Variants in ODAD1 observed in about 807,000 individuals in gnomAD.
ODAD1 encodes the protein outer dynein arm docking complex subunit 1.
A neutral mutation model predicts 67.2 loss-of-function variants in ODAD1; 49 were observed. The ratio of observed to expected loss-of-function variants is 0.73; its 90% CI spans 0.58 to 0.92. The LOEUF is 0.92. Among genes scored for constraint, ODAD1 ranks in the 40% least tolerant of loss-of-function variants. The pLI is 0.00. For missense variants in ODAD1, 897 were observed against 953.7 expected (o/e 0.94, Z 0.78); for synonymous variants, 345 against 393.7 (o/e 0.88, Z 1.46).
intron 15 of ODAD1, 26 bp from the exon 16 acceptor site, chr19:48,297,544 G>T: frequency 6.3e-7 from 1 of 1,596,582 alleles, no homozygotes; most frequent in Non-Finnish European, 8.5e-7. Context: ...ACTGGGCCCC[G>T]ACACACACTG....
At position 48,297,630 on chromosome 19, in the gene ODAD1, G is replaced by A. The variant is rs1183508978; in HGVS notation, c.1541C>T (p.Pro514Leu). The change falls in exon 15 of 16, where the codon CCC (proline) becomes CTC (leucine). Residue 514 changes from proline to leucine, a missense_variant. Transcript: ENST00000674294. ...PPGFEASDDYPMSREELLSQV... is the reference protein window; with the variant it reads ...PPGFEASDDYLMSREELLSQV... ...GCTCAGCAGCTCCTCCCTGCTCATG[G>A]GGTAGTCATCGCTGGCCTCAAAACC... 6.5e-7 allele frequency: 1 copy of A among 1,527,036 alleles called. No homozygotes were observed. Among genetic ancestry groups the A allele is most frequent in the African/African-American group, 1.4e-5 (1 of 71,834 alleles). The allele number at this position is 1,527,036 out of a possible 1,614,324, so 94.6% of individuals were successfully genotyped here.
chr19:48,321,273 C>A (rs750858090), intron 1 of ODAD1, among the ~76,000 whole-genome samples: 6 of 152,148 alleles, frequency 3.9e-5, no homozygotes, highest in Non-Finnish European at 8.8e-5. Context: ...AACTGATGGG[C>A]GGCGAGGTCC....
At chr19:48,313,899 A>T (rs936387337) in intron 5 of ODAD1, among the ~76,000 whole-genome samples, 1 of 111,444 alleles carries the variant, frequency 9.0e-6, no homozygotes, top group East Asian at 1.9e-4. Flanking sequence ...AAACAAAACA[A>T]AAAAGGAAAT....
intron 5 of ODAD1, among the ~76,000 whole-genome samples, chr19:48,315,959 G>C (rs1024070239): frequency 1.3e-5 from 2 of 152,194 alleles, no homozygotes; most frequent in Non-Finnish European, 2.9e-5. Flanking sequence ...TACAAATCAA[G>C]TTGGGTTGTT....
At chr19:48,320,597 C>T (rs1969008054) in intron 2 of ODAD1, among the ~76,000 whole-genome samples, 175 bp downstream of exon 2, 1 of 152,220 alleles carries the variant, frequency 6.6e-6, no homozygotes, top group Admixed American at 6.5e-5. Flanking sequence ...CACTCTGGGT[C>T]TTGCGTCTAG....
intron 5 of ODAD1, among the ~76,000 whole-genome samples, chr19:48,312,360 A>T (rs534486476): frequency 6.9e-6 from 1 of 144,936 alleles, no homozygotes; most frequent in East Asian, 2.2e-4. Context: ...TGGCCTAGAG[A>T]TGGGAATGTG....
rs1969032669 is a variant in ODAD1, at chr19:48,321,667, C to G, written c.-64+11G>C. On this transcript the variant is annotated intron_variant, in intron 1 of 15. Transcript: ENST00000674294. ...GTCCTGGGGAGGTCGAGGCTGAGGT[C>G]TCACTAGTACCGCGGGCCTGGAAGC... 2 of 389,632 alleles carry G rather than the reference C, an allele frequency of 5.1e-6. No homozygotes were observed. Among genetic ancestry groups the G allele is most frequent in the Non-Finnish European group, 9.1e-6 (2 of 220,444 alleles). 24.1% of individuals were successfully genotyped at this position (389,632 alleles called of 1,614,324 possible). A position where few individuals can be genotyped will look rare whatever the true frequency, so the allele number is the denominator to read the frequency against.
chr19:48,318,807 A>G lies in ODAD1; in HGVS notation c.76T>C (p.Trp26Arg). The change falls in exon 4 of 16, where the codon TGG (tryptophan) becomes CGG (arginine). Residue 26 changes from tryptophan to arginine, a missense_variant. Coordinates refer to ENST00000674294, the MANE Select transcript of ODAD1 (RefSeq NM_001364171.2). ...TGTCGCTGCAGCCTACTCAGCTCCC[A>G]ATCCACTGAGAACAGGGCCAGCCAA... ...SEAFLEGMVD[W>R]ELSRLQRQCK... 1.3e-6 allele frequency: 2 copies of G among 1,548,262 alleles called. No homozygotes were observed. Among genetic ancestry groups the G allele is most frequent in the East Asian group, 2.4e-5 (1 of 40,882 alleles).
rs776727679 is a variant in ODAD1 at position 48,303,699 on chromosome 19, C to T, written c.939G>A (p.Gln313=). Residue 313 remains glutamine, a synonymous_variant, in exon 10 of 16, where the codon CAG becomes CAA. Transcript: ENST00000674294. ...CYEDALNKLS[Q]LMGESDPDLL... ...GGTCAGGGTCACTCTCCCCCATCAGCTGGGACAGTTTATTCAGGGCGTCCT... is the reference window on the plus strand; with the variant it reads ...GGTCAGGGTCACTCTCCCCCATCAGTTGGGACAGTTTATTCAGGGCGTCCT... 1 of 1,614,126 alleles carries T rather than the reference C, an allele frequency of 6.2e-7. No homozygotes were observed. The highest frequency in any genetic ancestry group is 8.5e-7 in the Non-Finnish European group (1 of 1,179,982).
At position 48,311,777 on chromosome 19, in the gene ODAD1, T is replaced by A. The variant is rs1388259695; in HGVS notation, c.484-111A>T. On this transcript the variant is annotated intron_variant, in intron 6 of 15. Transcript: ENST00000674294. ...TCAGAGGTTGGGCCGGCCTGTTTCC[T>A]GAGAAACAGAGGTTCTTTGGGGTTC... 8.5e-6 allele frequency: 7 copies of A among 820,558 alleles called. No homozygotes were observed. In the Admixed American group the frequency reaches 1.3e-4, roughly 15 times the overall value. The allele number at this position is 820,558 out of a possible 1,614,324, so 50.8% of individuals were successfully genotyped here.
intron 5 of ODAD1, among the ~76,000 whole-genome samples, chr19:48,313,816 G>A (rs568303862): frequency 1.1e-4 from 16 of 152,266 alleles, no homozygotes; most frequent in East Asian, 5.8e-4. Flanking sequence ...CAAGGAGCTC[G>A]AAGCTGCAGT....
At chr19:48,304,951 G>A (rs920196590) in intron 8 of ODAD1, among the ~76,000 whole-genome samples, 8 of 152,192 alleles carry the variant, frequency 5.3e-5, no homozygotes, top group African/African-American at 1.7e-4. Context: ...GCGGTTGCAC[G>A]GCCCCGTGAA....
chr19:48,297,537 G>C lies in ODAD1; in HGVS notation c.1582-19C>G. 6.3e-7 allele frequency: 1 copy of C among 1,598,366 alleles called. No individual in the cohort carries two copies. On this transcript the variant is annotated intron_variant, in intron 15 of 15. Transcript: ENST00000674294. ...GCTCCACCTGCAGGGAAGGTGAACT[G>C]GGCCCCGACACACACTGAGGCCTGG... is the stretch of plus-strand genomic sequence containing the variant.
chr19:48,319,471 G>T (rs1429950313), intron 3 of ODAD1: 7 of 983,264 alleles, frequency 7.1e-6, no homozygotes, highest in African/African-American at 1.8e-5. Flanking sequence ...ATCTCCAAAG[G>T]CCCAGTAGTT....
At chr19:48,310,006 G>A (rs369756515) in intron 7 of ODAD1, among the ~76,000 whole-genome samples, 4 of 151,964 alleles carry the variant, frequency 2.6e-5, no homozygotes, top group African/African-American at 9.7e-5. Flanking sequence ...AGGCTGAGGC[G>A]GGTGGAACAC....
intron 13 of ODAD1, 24 bp downstream of exon 13, chr19:48,298,153 T>C (rs1455105796): frequency 6.2e-7 from 1 of 1,611,860 alleles, no homozygotes; most frequent in Non-Finnish European, 8.5e-7. Flanking sequence ...CGGCCTCCTG[T>C]CCCGGCTCCC....
At chr19:48,311,774 TC>T in intron 6 of ODAD1, 108 bp from the exon 7 acceptor site, 1 of 833,230 alleles carries the variant, frequency 1.2e-6, no homozygotes, top group Non-Finnish European at 2.0e-6. Flanking sequence ...CCGGCCTGTT[TC>T]CTGAGAAACA....
At chr19:48,314,245 C>T (rs559455729) in intron 5 of ODAD1, among the ~76,000 whole-genome samples, 3 of 152,218 alleles carry the variant, frequency 2.0e-5, no homozygotes, top group Admixed American at 6.5e-5. Flanking sequence ...GCCAGCAAAC[C>T]GGCAGAAGCA....
At chr19:48,297,869 A>T in intron 14 of ODAD1, 131 bp downstream of exon 14, 1 of 843,054 alleles carries the variant, frequency 1.2e-6, no homozygotes, top group Non-Finnish European at 1.8e-6. Flanking sequence ...CACATACTTC[A>T]TATTCTAACC....
Sources: gnomAD v4.1 joint callset for allele counts (sites outside exome capture counted in the v4.1 genomes callset) on GRCh38, gnomAD v4.1.1 for gene constraint, MANE v1.5 for transcripts, NCBI Gene and HGNC (gene_info 2026-07-23, HGNC 2026-07-21) for gene names.